Variants in SH3GL3 observed in about 807,000 individuals in gnomAD.
SH3GL3 encodes endophilin-A3.
A neutral mutation model predicts 47.7 loss-of-function variants in SH3GL3; 33 were observed. The observed-to-expected ratio is 0.69, with a 90% CI of 0.52 to 0.92. SH3GL3 has a LOEUF of 0.92. Among genes scored for constraint, SH3GL3 ranks in the 40% least tolerant of loss-of-function variants. SH3GL3 has a pLI of 0.00. For synonymous variants in SH3GL3, 155 were observed against 148.8 expected (o/e 1.04, Z -0.30); for missense variants, 363 against 417.8 (o/e 0.87, Z 1.14).
intron 1 of SH3GL3, among the ~76,000 whole-genome samples, chr15:83,494,282 T>A (rs2041993331): frequency 6.6e-6 from 1 of 152,178 alleles, no homozygotes; most frequent in Admixed American, 6.5e-5. Flanking sequence ...ATGGGCTCGG[T>A]CACTGGAACA....
intron 1 of SH3GL3, among the ~76,000 whole-genome samples, chr15:83,496,184 C>T (rs752747813): frequency 6.6e-6 from 1 of 151,724 alleles, no homozygotes; most frequent in Admixed American, 6.6e-5. Context: ...CATTGCAAAA[C>T]CCCCTCTACT....
intron 1 of SH3GL3, among the ~76,000 whole-genome samples, chr15:83,518,266 G>A (rs1773683405): frequency 6.6e-6 from 1 of 152,228 alleles, no homozygotes; most frequent in African/African-American, 2.4e-5. Flanking sequence ...TAATGGGATT[G>A]CTGGGTTGAA....
intron 8 of SH3GL3, among the ~76,000 whole-genome samples, chr15:83,600,399 C>T (rs889442221): frequency 1.3e-5 from 2 of 152,128 alleles, no homozygotes; most frequent in South Asian, 4.1e-4. Context: ...GTTTCATTCT[C>T]CTACACATAG....
chr15:83,611,323 A>G (rs1473217238), intron 8 of SH3GL3: 1 of 151,548 alleles, frequency 6.6e-6, no homozygotes, highest in African/African-American at 2.4e-5. Context: ...TAACAGGGAC[A>G]CTCCCTTTTC....
At chr15:83,475,235 T>TGGGA (rs1391031228) in intron 1 of SH3GL3, among the ~76,000 whole-genome samples, 1 of 151,992 alleles carries the variant, frequency 6.6e-6, no homozygotes, top group Non-Finnish European at 1.5e-5. Flanking sequence ...CCAAGCACTT[T>TGGGA]GGGAGGCCAA....
At chr15:83,627,837 A>G in the SH3GL3 span, among the ~76,000 whole-genome samples, 2 of 152,308 alleles carry the variant, frequency 1.3e-5, no homozygotes, top group Non-Finnish European at 2.9e-5. Context: ...CCTCTTTTTC[A>G]TCTGAGTTTG....
chr15:83,617,883 A>G (rs1166976568), intron 8 of SH3GL3, among the ~76,000 whole-genome samples, 199 bp from the exon 9 acceptor site: 1 of 152,118 alleles, frequency 6.6e-6, no homozygotes, highest in Non-Finnish European at 1.5e-5. Context: ...CTCTGGGCTC[A>G]TGGGGTTGGC....
chr15:83,587,013 A>G lies in SH3GL3; in HGVS notation c.655A>G (p.Ile219Val), dbSNP rs2059972766. The change falls in exon 7 of 9, where the codon ATA becomes GTA. Residue 219 changes from isoleucine to valine, a missense_variant. Coordinates refer to ENST00000427482, the MANE Select transcript of SH3GL3 (RefSeq NM_003027.5). ...ACAAGTCAGCCAGTTGGCTGTGTTC[A>G]TAGAGGCAGCATTAGACTATCACAG... The part of the protein sequence containing the change: ...VEQVSQLAVF[I>V]EAALDYHRQS... 3 of 1,610,282 alleles carry G rather than the reference A, an allele frequency of 1.9e-6. No homozygotes were observed. The highest frequency in any genetic ancestry group is 1.1e-5 in the South Asian group (1 of 90,474).
At chr15:83,544,623 A>G (rs576621338) in intron 1 of SH3GL3, among the ~76,000 whole-genome samples, 81 of 152,250 alleles carry the variant, frequency 5.3e-4, no homozygotes, top group African/African-American at 1.8e-3. Flanking sequence ...CTTATTGCTC[A>G]TTAATGTTCT....
chr15:83,447,393 T>TGTGGCCGTGGCC lies in SH3GL3; in HGVS notation c.-136_-125dup, dbSNP rs1027055063. 2.1e-6 allele frequency: 1 copy of TGTGGCCGTGGCC among 485,268 alleles called. No individual in the cohort carries two copies. Among genetic ancestry groups the TGTGGCCGTGGCC allele is most frequent in the Non-Finnish European group, 3.3e-6 (1 of 302,138 alleles). The allele number at this position is 485,268 out of a possible 1,614,324, so 30.1% of individuals were successfully genotyped here. A position where few individuals can be genotyped will look rare whatever the true frequency, so the allele number is the denominator to read the frequency against. On this transcript the variant is annotated 5_prime_UTR_variant, in exon 1 of 9. Transcript: ENST00000427482. The surrounding 1 kb of genome is among the most constrained non-coding windows in gnomAD (Gnocchi z 5.1). ...GTGCGAGTGTGACAGCGGCTGTGGC[T>TGTGGCCGTGGCC]GTGGCCGTGGCCGTGGGAGGCGGGC...
At chr15:83,508,271 A>G (rs1202003345) in intron 1 of SH3GL3, among the ~76,000 whole-genome samples, 1 of 152,040 alleles carries the variant, frequency 6.6e-6, no homozygotes, top group Admixed American at 6.6e-5. Context: ...TGGTCACCAT[A>G]GGTCTCATTG....
intron 1 of SH3GL3, among the ~76,000 whole-genome samples, chr15:83,548,879 T>C (rs1421430810): frequency 6.6e-6 from 1 of 152,156 alleles, no homozygotes; most frequent in African/African-American, 2.4e-5. Flanking sequence ...TCTTTTCATT[T>C]CTTTGAACTC....
chr15:83,604,601 A>T (rs1041253331), intron 8 of SH3GL3, among the ~76,000 whole-genome samples: 7 of 152,222 alleles, frequency 4.6e-5, no homozygotes, highest in Admixed American at 4.6e-4. Flanking sequence ...CAAGGAAGTG[A>T]TAATAAAAAA....
chr15:83,627,693 C>G, the SH3GL3 span, among the ~76,000 whole-genome samples: 4 of 152,086 alleles, frequency 2.6e-5, no homozygotes, highest in Admixed American at 2.6e-4. Flanking sequence ...GTTTTTAAAG[C>G]CCCCAAATGA....
chr15:83,539,467 A>G (rs1483281321), intron 1 of SH3GL3, among the ~76,000 whole-genome samples: 1 of 152,242 alleles, frequency 6.6e-6, no homozygotes, highest in African/African-American at 2.4e-5. Context: ...ATCATTGGGC[A>G]GTTAGAATTT....
intron 1 of SH3GL3, among the ~76,000 whole-genome samples, chr15:83,548,433 C>T (rs2044510523): frequency 6.6e-6 from 1 of 150,704 alleles, no homozygotes; most frequent in African/African-American, 2.4e-5. Flanking sequence ...AATACATACA[C>T]ACTACATATA....
chr15:83,542,193 C>A (rs1274025830), intron 1 of SH3GL3, among the ~76,000 whole-genome samples: 2 of 151,984 alleles, frequency 1.3e-5, no homozygotes, highest in African/African-American at 4.8e-5. Flanking sequence ...ATATGGATAC[C>A]CAGTTTTCTC....
At chr15:83,566,272 C>G (rs1440082097) in intron 3 of SH3GL3, among the ~76,000 whole-genome samples, 1 of 152,064 alleles carries the variant, frequency 6.6e-6, no homozygotes, top group African/African-American at 2.4e-5. Flanking sequence ...CTAGCAACCT[C>G]TTATCCAGTT....
At chr15:83,594,538 C>G (rs2060191419) in intron 8 of SH3GL3, among the ~76,000 whole-genome samples, 1 of 152,162 alleles carries the variant, frequency 6.6e-6, no homozygotes, top group Admixed American at 6.5e-5. Context: ...TTTTTACCTG[C>G]TGTTCTTTTT....
Sources: gnomAD v4.1 joint callset for allele counts (sites outside exome capture counted in the v4.1 genomes callset) on GRCh38, gnomAD v4.1.1 for gene constraint, Gnocchi (gnomAD v3.1) non-coding constraint, MANE v1.5 for transcripts, NCBI Gene and HGNC (gene_info 2026-07-23, HGNC 2026-07-21) for gene names.